The following PCDH15 variants were observed in gnomAD, a reference collection of about 807,000 sequenced individuals.
PCDH15 encodes protocadherin related 15.
Under a neutral mutation model 178.5 loss-of-function variants are expected in PCDH15, and 129 were observed. The observed-to-expected ratio is 0.72, with a 90% CI of 0.63 to 0.84. The LOEUF (loss-of-function observed/expected upper bound fraction) is 0.84, where lower values mean the gene tolerates loss of function less well. PCDH15 is among the 40% of genes least tolerant of loss of function. The pLI is 0.00. For synonymous variants in PCDH15, 800 were observed against 732.0 expected, an observed-to-expected ratio of 1.09 and a Z score of -1.50; for missense variants, 2,230 against 2,099.9, an observed-to-expected ratio of 1.06 and a Z score of -1.21.
chr10:54,126,770 A>C (rs1590651782), intron 15 of PCDH15, among the ~76,000 whole-genome samples: 1 of 152,188 alleles, frequency 6.6e-6, no homozygotes, highest in Non-Finnish European at 1.5e-5. Context: ...TTTCACAAAA[A>C]AAGTAAAAGG....
intron 2 of PCDH15, among the ~76,000 whole-genome samples, chr10:55,382,731 C>T (rs753977501): frequency 2.6e-5 from 4 of 152,172 alleles, no homozygotes; most frequent in Non-Finnish European, 5.9e-5. Flanking sequence ...AATGACTCAT[C>T]TTGGCCTTGA....
intron 10 of PCDH15, among the ~76,000 whole-genome samples, chr10:54,205,166 A>T (rs1360918260): frequency 6.6e-6 from 1 of 152,058 alleles, no homozygotes; most frequent in East Asian, 1.9e-4. Context: ...GGATATGTAG[A>T]ATCAGTAGTC....
intron 1 of PCDH15, among the ~76,000 whole-genome samples, chr10:55,284,291 G>A (rs1461338189): frequency 3.3e-5 from 5 of 152,050 alleles, no homozygotes; most frequent in Non-Finnish European, 7.4e-5. Context: ...ATGGACAGCC[G>A]ACTGATAGTA....
At chr10:54,110,225 G>T (rs2094992327) in intron 15 of PCDH15, among the ~76,000 whole-genome samples, 1 of 151,020 alleles carries the variant, frequency 6.6e-6, no homozygotes, top group South Asian at 2.1e-4. Context: ...CAGGAGATTG[G>T]TTTAACCCAG....
chr10:54,778,553 C>T (rs942785058), intron 1 of PCDH15, among the ~76,000 whole-genome samples: 10 of 152,096 alleles, frequency 6.6e-5, no homozygotes, highest in Non-Finnish European at 1.2e-4. Context: ...ATTTAATTTA[C>T]ACTTTTGTTT....
chr10:53,903,290 C>A lies in PCDH15; in HGVS notation c.3454G>T (p.Gly1152Cys). 1 of 1,613,090 alleles carries A rather than the reference C, an allele frequency of 6.2e-7. No homozygotes were observed. Among genetic ancestry groups the A allele is most frequent in the Non-Finnish European group, 8.5e-7 (1 of 1,179,408 alleles). ...PVFQKKFYIG[G>C]VSEDARMFTS... ...AACATTCTTGCATCTTCAGATACAC[C>A]TCCGATGTAGAATTTTTTCTGAAAC... The change falls in exon 26 of 38, where the codon GGT (glycine) becomes TGT (cysteine). Residue 1152 changes from glycine (G) to cysteine (C), a missense_variant. Gly to Cys is a radical substitution (Grantham distance 159). Transcript: ENST00000644397.
chr10:55,195,620 A>G (rs1217473396), intron 1 of PCDH15, among the ~76,000 whole-genome samples: 1 of 148,506 alleles, frequency 6.7e-6, no homozygotes, highest in African/African-American at 2.5e-5. Flanking sequence ...GCGCCACTGC[A>G]CTCCAGCCTG....
At chr10:55,545,512 G>C (rs1841860517) in intron 2 of PCDH15, among the ~76,000 whole-genome samples, 1 of 151,626 alleles carries the variant, frequency 6.6e-6, no homozygotes, top group Non-Finnish European at 1.5e-5. Flanking sequence ...CTGACCTCAG[G>C]TGATCCGCCC....
chr10:55,415,793 A>T (rs1265389145), intron 2 of PCDH15, among the ~76,000 whole-genome samples: 2 of 151,712 alleles, frequency 1.3e-5, no homozygotes. Context: ...TTGGCTTAAC[A>T]TCTCAATGGG....
At chr10:55,409,002 T>C (rs1257834305) in intron 2 of PCDH15, among the ~76,000 whole-genome samples, 1 of 152,142 alleles carries the variant, frequency 6.6e-6, no homozygotes. Context: ...TCTGTCTTTT[T>C]TACTGGAATC....
chr10:53,831,445 C>G lies in PCDH15; in HGVS notation c.4072G>C (p.Glu1358Gln), dbSNP rs766259569. Residue 1358 changes from glutamate to glutamine, a missense_variant, in exon 30 of 38, where the codon GAG becomes CAG. Transcript: ENST00000644397. ...GGRILEIRTP[E>Q]AVTSIKKRGE... is the part of the protein sequence containing the mutation. The stretch of plus-strand genomic sequence containing the variant: ...CTCTTTTTAATGCTGGTCACTGCCT[C>G]TGGAGTCCGGATCTCCAGAATGCGT... 13 of 1,614,180 alleles carry G rather than the reference C, an allele frequency of 8.1e-6. No individual in the cohort carries two copies. The Admixed American group carries it at 2.2e-4, about 27-fold the overall frequency.
chr10:55,299,563 A>G (rs1298822080), intron 1 of PCDH15, among the ~76,000 whole-genome samples: 1 of 152,222 alleles, frequency 6.6e-6, no homozygotes, highest in African/African-American at 2.4e-5. Flanking sequence ...TAATTCGCCA[A>G]GCTTTGGCAA....
rs562875669 is a variant in PCDH15, at chr10:54,763,765, TATAGTATATAA to T, written c.-29+37149_-29+37159del. On this transcript the variant is annotated intron_variant, in intron 1 of 37. Coordinates refer to ENST00000644397, the MANE Select transcript of PCDH15 (RefSeq NM_001384140.1). ...GTTGTACTATATAAATATATATATA[TATAGTATATAA>T]ATATACTATATAAATATGTACAACT... 6.1e-3 allele frequency among the ~76,000 whole-genome samples: 896 copies of T among 147,796 alleles called. 10 individuals carry two copies. Among genetic ancestry groups the T allele is most frequent in the Non-Finnish European group, 9.7e-3 (654 of 67,078 alleles).
intron 3 of PCDH15, among the ~76,000 whole-genome samples, chr10:54,380,731 T>TATAC (rs56903676): frequency 0.21 from 11,017 of 51,582 alleles, 2,593 homozygotes; most frequent in Non-Finnish European, 0.33. Context: ...TATATATATA[T>TATAC]ATATATATAT....
intron 1 of PCDH15, among the ~76,000 whole-genome samples, chr10:54,680,949 G>A (rs2094888885): frequency 6.6e-6 from 1 of 152,142 alleles, no homozygotes; most frequent in South Asian, 2.1e-4. Context: ...AAAGCCCTCT[G>A]AAAATGACAC....
At chr10:54,130,830 C>T (rs1039528055) in intron 15 of PCDH15, among the ~76,000 whole-genome samples, 1 of 152,154 alleles carries the variant, frequency 6.6e-6, no homozygotes. Flanking sequence ...ACCTCCAATG[C>T]ATCTTGTTAT....
At chr10:55,564,347 C>T (rs975294528) in intron 2 of PCDH15, among the ~76,000 whole-genome samples, 7 of 151,038 alleles carry the variant, frequency 4.6e-5, no homozygotes, top group African/African-American at 1.7e-4. Context: ...AGAGTGTTGG[C>T]GGTTAATACT....
intron 1 of PCDH15, among the ~76,000 whole-genome samples, chr10:55,286,395 T>C (rs963585916): frequency 5.9e-5 from 9 of 151,978 alleles, no homozygotes; most frequent in Non-Finnish European, 8.8e-5. Flanking sequence ...TAGCTATATA[T>C]TGATTTATAT....
intron 8 of PCDH15, among the ~76,000 whole-genome samples, chr10:54,297,818 C>T (rs944422650): frequency 6.6e-6 from 1 of 152,160 alleles, no homozygotes; most frequent in Non-Finnish European, 1.5e-5. Context: ...CTAGGGCAAG[C>T]CTTTGATCTT....
Sources: allele counts gnomAD v4.1 joint callset (sites outside exome capture counted in the v4.1 genomes callset), GRCh38; gene constraint gnomAD v4.1.1; transcripts MANE v1.5; gene names NCBI Gene and HGNC (gene_info 2026-07-23, HGNC 2026-07-21).